Variants in TTC1 observed in about 807,000 individuals in gnomAD.
TTC1 encodes the protein tetratricopeptide repeat domain 1.
In TTC1, 31 loss-of-function variants were observed where a neutral mutation model predicts 37.6. That is an observed-to-expected ratio of 0.82 (90% CI 0.62 to 1.11). The LOEUF is 1.11. Ranked by LOEUF, TTC1 falls within the 50% of genes most tolerant of loss-of-function variation. TTC1 has a pLI of 0.00. For synonymous variants in TTC1, 127 were observed against 122.4 expected, an observed-to-expected ratio of 1.04 and a Z score of -0.25; for missense variants, 351 against 339.0, an observed-to-expected ratio of 1.04 and a Z score of -0.28.
At position 160,010,636 on chromosome 5, in the gene TTC1, C is replaced by CA; in HGVS notation, c.113dup (p.Asn38LysfsTer7). 1 of 1,613,938 alleles carries CA rather than the reference C, an allele frequency of 6.2e-7. No homozygotes were observed. Among genetic ancestry groups the CA allele is most frequent in the Non-Finnish European group, 8.5e-7 (1 of 1,179,960 alleles). On this transcript the variant is annotated frameshift_variant, in exon 2 of 8. Transcript: ENST00000231238. LOFTEE classifies it high-confidence loss of function. ...GTGCTGGCCCTCCAGTTCCTGATCC[C>CA]AAAAATCAGCATTCCCAGAGTAAGC... is the stretch of plus-strand genomic sequence containing the variant.
intron 2 of TTC1, among the ~76,000 whole-genome samples, chr5:160,020,096 T>A (rs1756679076): frequency 6.6e-6 from 1 of 151,666 alleles, no homozygotes; most frequent in Non-Finnish European, 1.5e-5. Context: ...ACCCAGCTAA[T>A]TTTTGTATTT....
intron 7 of TTC1, chr5:160,061,652 C>T (rs1444440903): frequency 2.6e-5 from 4 of 151,114 alleles, no homozygotes; most frequent in Non-Finnish European, 4.4e-5. Flanking sequence ...AGCAGAATTT[C>T]GCATTTTCTT....
chr5:160,012,290 T>C (rs7722801), intron 2 of TTC1, among the ~76,000 whole-genome samples: 2,949 of 152,278 alleles, frequency 0.019, 66 homozygotes, highest in African/African-American at 0.051. Context: ...GTCTGATCCC[T>C]ACCTCTAATT....
intron 5 of TTC1, among the ~76,000 whole-genome samples, chr5:160,049,095 C>A (rs1336734181): frequency 5.3e-5 from 8 of 152,188 alleles, no homozygotes; most frequent in African/African-American, 1.9e-4. Context: ...AAGCCAAATC[C>A]AGCCTGCCAC....
intron 3 of TTC1, among the ~76,000 whole-genome samples, chr5:160,035,753 G>A (rs533313673): frequency 9.1e-4 from 139 of 152,252 alleles, no homozygotes; most frequent in African/African-American, 3.2e-3. Flanking sequence ...CATTTGCTTA[G>A]AAATAAGTTG....
At chr5:160,031,714 G>A (rs531281796) in intron 2 of TTC1, among the ~76,000 whole-genome samples, 6 of 152,200 alleles carry the variant, frequency 3.9e-5, no homozygotes, top group Admixed American at 3.9e-4. Flanking sequence ...ATAAAGGCAA[G>A]ATGAGGGCTG....
At chr5:160,027,093 A>G (rs1400950064) in intron 2 of TTC1, among the ~76,000 whole-genome samples, 1 of 151,336 alleles carries the variant, frequency 6.6e-6, no homozygotes, top group Non-Finnish European at 1.5e-5. Context: ...CAGGGGTGCA[A>G]TCATGGATCA....
At chr5:160,058,491 A>G (rs948376496) in intron 7 of TTC1, among the ~76,000 whole-genome samples, 1 of 150,662 alleles carries the variant, frequency 6.6e-6, no homozygotes, top group African/African-American at 2.4e-5. Context: ...GCTCAGTGCA[A>G]GCTCCGCCTC....
chr5:160,018,674 A>T (rs1056380997), intron 2 of TTC1, among the ~76,000 whole-genome samples: 1 of 152,214 alleles, frequency 6.6e-6, no homozygotes, highest in African/African-American at 2.4e-5. Flanking sequence ...AAGGAAACAG[A>T]TGGATAATTT....
chr5:160,027,279 T>C (rs1756824322), intron 2 of TTC1, among the ~76,000 whole-genome samples: 1 of 152,232 alleles, frequency 6.6e-6, no homozygotes, highest in Non-Finnish European at 1.5e-5. Context: ...TCTGCCTACC[T>C]TGGCCTCCCA....
chr5:160,020,575 A>G (rs1311381312), intron 2 of TTC1, among the ~76,000 whole-genome samples: 2 of 152,250 alleles, frequency 1.3e-5, no homozygotes, highest in East Asian at 3.8e-4. Context: ...ATCTGTATTT[A>G]CAGCCACTTC....
intron 6 of TTC1, among the ~76,000 whole-genome samples, chr5:160,050,141 T>C (rs1222814215): frequency 6.6e-6 from 1 of 151,572 alleles, no homozygotes; most frequent in Non-Finnish European, 1.5e-5. Context: ...AGAGTAAGAC[T>C]TTGTATCTTA....
chr5:160,061,729 G>A (rs982055746), intron 7 of TTC1: 4 of 152,110 alleles, frequency 2.6e-5, no homozygotes, highest in Admixed American at 6.5e-5. Context: ...CAGAGATACT[G>A]GAATTGAAGG....
chr5:160,022,620 T>G (rs1436861218), intron 2 of TTC1, among the ~76,000 whole-genome samples: 1 of 152,198 alleles, frequency 6.6e-6, no homozygotes, highest in African/African-American at 2.4e-5. Flanking sequence ...GGTACTATGT[T>G]AGTAAATAGG....
intron 2 of TTC1, among the ~76,000 whole-genome samples, chr5:160,011,443 C>A (rs990535998): frequency 6.6e-6 from 1 of 152,128 alleles, no homozygotes; most frequent in Non-Finnish European, 1.5e-5. Flanking sequence ...CACAACATGC[C>A]TATGAGATAC....
chr5:160,034,287 G>A (rs773571579), intron 2 of TTC1, among the ~76,000 whole-genome samples: 4 of 152,118 alleles, frequency 2.6e-5, no homozygotes, highest in Non-Finnish European at 5.9e-5. Context: ...ACAAAAAAGT[G>A]CACACACTCA....
intron 4 of TTC1, among the ~76,000 whole-genome samples, chr5:160,037,158 A>T (rs2113370669): frequency 6.6e-6 from 1 of 152,332 alleles, no homozygotes; most frequent in East Asian, 1.9e-4. Flanking sequence ...ATGCAAAGGC[A>T]CAGGGAAACA....
chr5:160,044,798 G>A (rs141592959), intron 5 of TTC1, among the ~76,000 whole-genome samples: 1,760 of 152,276 alleles, frequency 0.012, 23 homozygotes, highest in African/African-American at 0.024. Context: ...ATGCAGCCCA[G>A]TAGGTCTCAG....
At chr5:160,041,782 G>A (rs1757099732) in intron 4 of TTC1, among the ~76,000 whole-genome samples, 1 of 152,114 alleles carries the variant, frequency 6.6e-6, no homozygotes. Context: ...TTTATACACA[G>A]TCTATCATTG....
Sources: allele counts gnomAD v4.1 joint callset (sites outside exome capture counted in the v4.1 genomes callset), GRCh38; gene constraint gnomAD v4.1.1; transcripts MANE v1.5; gene names NCBI Gene and HGNC (gene_info 2026-07-23, HGNC 2026-07-21).